Variants in SEH1L observed in about 807,000 individuals in gnomAD.
SEH1L encodes the protein nucleoporin SEH1.
A neutral mutation model predicts 49.5 loss-of-function variants in SEH1L; 18 were observed. That is an observed-to-expected ratio of 0.36 (90% CI 0.25 to 0.54). The LOEUF (loss-of-function observed/expected upper bound fraction) is 0.54. Among genes scored for constraint, SEH1L ranks in the 20% least tolerant of loss-of-function variants. The pLI is 0.87. For missense variants in SEH1L, 404 were observed against 528.8 expected (o/e 0.76, Z 2.31); for synonymous variants, 169 against 178.1 (o/e 0.95, Z 0.41).
In SEH1L at chr18:12,984,035, T is replaced by G. The variant is rs370698687; in HGVS notation, c.920-5T>G. ...TGTTAATGTATTTGATTATTTTCCT[T>G]TCAGCTAATTATATGGACAATTGGA... On this transcript the variant is annotated splice_region_variant and splice_polypyrimidine_tract_variant and intron_variant, in intron 7 of 8. Transcript: ENST00000399892. 6.2e-7 allele frequency: 1 copy of G among 1,611,424 alleles called. No individual in the cohort carries two copies. The highest frequency in any genetic ancestry group is 1.3e-5 in the African/African-American group (1 of 74,816).
intron 3 of SEH1L, among the ~76,000 whole-genome samples, chr18:12,959,935 A>G (rs1470025264): frequency 1.3e-5 from 2 of 152,214 alleles, no homozygotes; most frequent in African/African-American, 4.8e-5. Flanking sequence ...CGATTTGGCT[A>G]AAGCAAGAAG....
chr18:12,948,367 G>T, intron 1 of SEH1L, 135 bp downstream of exon 1: 1 of 654,612 alleles, frequency 1.5e-6, no homozygotes, highest in Non-Finnish European at 2.6e-6. Context: ...AGCCCTGGCT[G>T]GACTGAGCGG....
intron 4 of SEH1L, 98 bp from the exon 5 acceptor site, chr18:12,971,055 C>A: frequency 1.2e-6 from 1 of 805,086 alleles, no homozygotes; most frequent in Non-Finnish European, 2.1e-6. Context: ...GACAGGCTAA[C>A]TGTAAGCTGG....
intron 4 of SEH1L, among the ~76,000 whole-genome samples, chr18:12,968,137 G>T (rs911134480): frequency 2.1e-4 from 32 of 152,136 alleles, no homozygotes; most frequent in African/African-American, 7.7e-4. Context: ...ATATTTATGA[G>T]TGAGTGACTG....
intron 2 of SEH1L, among the ~76,000 whole-genome samples, chr18:12,955,202 T>C (rs1302253749): frequency 1.3e-5 from 2 of 150,902 alleles, no homozygotes; most frequent in Non-Finnish European, 2.9e-5. Flanking sequence ...TTTTCTTTTA[T>C]TAGTAAAATG....
rs2032325631 is a variant in SEH1L at position 12,982,835 on chromosome 18, T to C, written c.919+160T>C. 5 of 575,726 alleles carry C rather than the reference T, an allele frequency of 8.7e-6. No homozygotes were observed. The East Asian group carries it at 1.6e-4, about 18-fold the overall frequency. The allele number at this position is 575,726 out of a possible 1,614,324, so 35.7% of individuals were successfully genotyped here. ...TTTGAACATCAGTTTACCTAGTTCA[T>C]AGAAGTTAATGACTGAATTGTTTTT... On this transcript the variant is annotated intron_variant, in intron 7 of 8. Transcript: ENST00000399892.
chr18:12,973,544 C>T lies in SEH1L; in HGVS notation c.620+2293C>T, dbSNP rs2031789379. ...TGAACTCCTGACCTCAGGTGATCCA[C>T]CCACCTCGGCCTCCCAAAGTGCTGG... is the stretch of plus-strand genomic sequence containing the variant. On this transcript the variant is annotated intron_variant, in intron 5 of 8. Transcript: ENST00000399892. The T allele has an allele frequency of 3.3e-5, 5 of 152,326 alleles. No individual in the cohort carries two copies. In the South Asian group the frequency reaches 1.0e-3, roughly 32 times the overall value. The allele number at this position is 152,326 out of a possible 1,614,324, so 9.4% of individuals were successfully genotyped here.
At chr18:12,956,498 T>C (rs1598945234) in intron 3 of SEH1L, among the ~76,000 whole-genome samples, 1 of 147,920 alleles carries the variant, frequency 6.8e-6, no homozygotes, top group Non-Finnish European at 1.5e-5. Flanking sequence ...ATCCCAGGGC[T>C]TCTTTTTTCC....
intron 8 of SEH1L, 38 bp downstream of exon 8, chr18:12,984,228 T>C: frequency 6.3e-7 from 1 of 1,596,242 alleles, no homozygotes; most frequent in Non-Finnish European, 8.6e-7. Context: ...ATCATCTTTG[T>C]TTTAAATCAT....
intron 7 of SEH1L, 63 bp downstream of exon 7, chr18:12,982,738 A>C: frequency 7.9e-7 from 1 of 1,259,056 alleles, no homozygotes; most frequent in Non-Finnish European, 1.1e-6. Flanking sequence ...TTTACTTAAA[A>C]TGTAAACTCT....
chr18:12,950,838 G>A (rs2030477904), intron 1 of SEH1L, among the ~76,000 whole-genome samples: 1 of 151,936 alleles, frequency 6.6e-6, no homozygotes, highest in Admixed American at 6.6e-5. Flanking sequence ...TTTTTGTTTT[G>A]AGATGGAGTC....
chr18:12,979,035 GT>G, intron 6 of SEH1L, 143 bp downstream of exon 6: 2 of 748,208 alleles, frequency 2.7e-6, no homozygotes, highest in Non-Finnish European at 4.2e-6. Context: ...ACTTTGAAAT[GT>G]TTTTTAAAAA....
chr18:12,970,277 A>T (rs2031639227), intron 4 of SEH1L, among the ~76,000 whole-genome samples: 1 of 152,222 alleles, frequency 6.6e-6, no homozygotes. Flanking sequence ...ATAGTTCAGG[A>T]GAGCCATTCT....
intron 1 of SEH1L, among the ~76,000 whole-genome samples, chr18:12,949,628 AT>A (rs1240032083): frequency 1.3e-5 from 2 of 150,544 alleles, no homozygotes; most frequent in African/African-American, 2.4e-5. Context: ...AATTTTTTGT[AT>A]TTTTTAGTAG....
chr18:12,985,754 A>G, intron 8 of SEH1L: 1 of 952,516 alleles, frequency 1.0e-6, no homozygotes, highest in Non-Finnish European at 1.3e-6. Context: ...CTTTTTGTAG[A>G]TTTGCTTTAT....
intron 1 of SEH1L, chr18:12,948,485 C>T (rs556581819): frequency 1.5e-5 from 5 of 333,480 alleles, no homozygotes; most frequent in Non-Finnish European, 2.7e-5. Flanking sequence ...CAGGGTACGC[C>T]GGGCCCTCTC....
intron 5 of SEH1L, chr18:12,972,383 T>C (rs1221660267): frequency 6.6e-6 from 1 of 151,998 alleles, no homozygotes; most frequent in African/African-American, 2.4e-5. Flanking sequence ...TTGGGTAGAG[T>C]GTGGCAGCAT....
At chr18:12,961,649 G>A (rs956259312) in intron 3 of SEH1L, among the ~76,000 whole-genome samples, 1 of 152,108 alleles carries the variant, frequency 6.6e-6, no homozygotes, top group Non-Finnish European at 1.5e-5. Flanking sequence ...ACAGTAATCT[G>A]TTGATTGCTA....
intron 6 of SEH1L, among the ~76,000 whole-genome samples, chr18:12,981,005 G>A (rs2032224020): frequency 6.7e-6 from 1 of 149,682 alleles, no homozygotes. Context: ...CCGGGCGGAG[G>A]GGCTCCTCAC....
Sources: allele counts gnomAD v4.1 joint callset (sites outside exome capture counted in the v4.1 genomes callset), GRCh38; gene constraint gnomAD v4.1.1; transcripts MANE v1.5; gene names NCBI Gene and HGNC (gene_info 2026-07-23, HGNC 2026-07-21).